Variants in ZMAT1 observed in about 807,000 individuals in gnomAD.
ZMAT1 encodes zinc finger matrin-type 1.
ZMAT1 carries 11 observed loss-of-function variants against 18.5 expected under a neutral mutation model. The ratio of observed to expected loss-of-function variants is 0.59; its 90% CI spans 0.37 to 0.98. The LOEUF (loss-of-function observed/expected upper bound fraction) is 0.98, where lower values mean the gene tolerates loss of function less well. ZMAT1 is among the 50% of genes least tolerant of loss of function. The probability of loss-of-function intolerance (pLI) is 0.01; values close to 1 mark genes in which losing one functional copy is unlikely to be tolerated. For synonymous variants in ZMAT1, 211 were observed against 176.4 expected, an observed-to-expected ratio of 1.20 and a Z score of -1.55; for missense variants, 525 against 496.2, an observed-to-expected ratio of 1.06 and a Z score of -0.55.
Position 101,931,706 on chromosome X carries a change from C to T in ZMAT1, c.292+11G>A. ...ATGGGGCCGCCCCCGCACCCCGGGA[C>T]GGGAACTCACCTTCTCTGAGGCAAG... On this transcript the variant is annotated intron_variant, in intron 1 of 5. Coordinates refer to ENST00000651725, the MANE Select transcript of ZMAT1 (RefSeq NM_001394560.1). 3 of 758,859 alleles carry T rather than the reference C, an allele frequency of 4.0e-6. No homozygotes were observed. The highest frequency in any genetic ancestry group is 4.7e-6 in the Non-Finnish European group (3 of 641,919). The allele number at this position is 758,859 out of a possible 1,213,427, so 62.5% of individuals were successfully genotyped here.
At chrX:101,929,423 TTATATA>T (rs771032732) in intron 1 of ZMAT1, among the ~76,000 whole-genome samples, 1,632 of 71,201 alleles carry the variant, frequency 0.023, 29 homozygotes, top group African/African-American at 0.047. Context: ...TAGAGAGAGA[TTATATA>T]TATATATATA....
intron 1 of ZMAT1, among the ~76,000 whole-genome samples, chrX:101,926,624 C>A (rs1384330914): frequency 8.9e-6 from 1 of 112,116 alleles, no homozygotes. Flanking sequence ...TACCATATTT[C>A]TTCAGTTCCG....
intron 1 of ZMAT1, among the ~76,000 whole-genome samples, chrX:101,912,931 G>A (rs111984124): frequency 9.0e-5 from 10 of 111,580 alleles, no homozygotes; most frequent in African/African-American, 3.3e-4. Context: ...TGCAGAACTC[G>A]CATTAGCAAC....
intron 2 of ZMAT1, among the ~76,000 whole-genome samples, chrX:101,899,444 T>A (rs773111129): frequency 9.0e-6 from 1 of 111,624 alleles, no homozygotes; most frequent in South Asian, 3.8e-4. Flanking sequence ...TGTAGTCTTT[T>A]ATTCCTCGCC....
chrX:101,906,019 C>G, intron 1 of ZMAT1, among the ~76,000 whole-genome samples: 1 of 111,142 alleles, frequency 9.0e-6, no homozygotes, highest in Middle Eastern at 4.7e-3. Flanking sequence ...CCAAGCCCAG[C>G]ATAGAGTGGA....
At chrX:101,889,802 T>C (rs1927248410) in intron 4 of ZMAT1, 1 of 111,867 alleles carries the variant, frequency 8.9e-6, no homozygotes, top group African/African-American at 3.2e-5. Flanking sequence ...GGTGATGGGA[T>C]GATCTGTGCA....
chrX:101,883,459 AT>A lies in ZMAT1; in HGVS notation c.*50del. 1 of 1,030,836 alleles carries A rather than the reference AT, an allele frequency of 9.7e-7. No homozygotes were observed. Among genetic ancestry groups the A allele is most frequent in the Non-Finnish European group, 1.3e-6 (1 of 771,988 alleles). The allele number at this position is 1,030,836 out of a possible 1,213,427, so 85.0% of individuals were successfully genotyped here. A position where few individuals can be genotyped will look rare whatever the true frequency, so the allele number is the denominator to read the frequency against. On this transcript the variant is annotated 3_prime_UTR_variant, in exon 6 of 6. Transcript: ENST00000651725. ...CAGGTGTTCCTTTTTCTAAATCCAT[AT>A]TGACTGTTTTTTTTTTTCAATTCAA...
At chrX:101,901,219 A>T (rs1212244932) in intron 2 of ZMAT1, among the ~76,000 whole-genome samples, 1 of 111,105 alleles carries the variant, frequency 9.0e-6, no homozygotes, top group Non-Finnish European at 1.9e-5. Context: ...AGGAGTCTTT[A>T]GGGTTTTCAA....
intron 1 of ZMAT1, among the ~76,000 whole-genome samples, chrX:101,930,806 A>G (rs1930429447): frequency 8.9e-6 from 1 of 112,414 alleles, no homozygotes; most frequent in Non-Finnish European, 1.9e-5. Flanking sequence ...ACACATTTCA[A>G]TGGCAAATTT....
Position 101,931,874 on chromosome X carries a change from TACTGCCGCC to T in ZMAT1, c.126_134del (p.Ala43_Val45del). On this transcript the variant is annotated inframe_deletion, in exon 1 of 6. Coordinates refer to ENST00000651725, the MANE Select transcript of ZMAT1 (RefSeq NM_001394560.1). ...AGGTGGCGGAGGAGGCAGGAACAAT[TACTGCCGCC>T]GCCGCCGCCGCCGCCGCCGCTGCCG... 2 of 795,530 alleles carry T rather than the reference TACTGCCGCC, an allele frequency of 2.5e-6. No individual in the cohort carries two copies. The highest frequency in any genetic ancestry group is 3.0e-6 in the Non-Finnish European group (2 of 669,924). 65.6% of individuals were successfully genotyped at this position (795,530 alleles called of 1,213,427 possible). A position where few individuals can be genotyped will look rare whatever the true frequency, so the allele number is the denominator to read the frequency against.
intron 1 of ZMAT1, among the ~76,000 whole-genome samples, chrX:101,907,790 T>C (rs185719656): frequency 9.0e-6 from 1 of 111,623 alleles, no homozygotes; most frequent in Non-Finnish European, 1.9e-5. Flanking sequence ...AAAAATGTAA[T>C]AGCATCAACC....
chrX:101,930,159 A>AT (rs996767758), intron 1 of ZMAT1, among the ~76,000 whole-genome samples: 13 of 111,077 alleles, frequency 1.2e-4, no homozygotes, highest in South Asian at 3.7e-4. Flanking sequence ...AAAAAGCCAT[A>AT]TTTTTTTTTC....
intron 1 of ZMAT1, among the ~76,000 whole-genome samples, chrX:101,916,200 C>T (rs1351577743): frequency 1.9e-5 from 2 of 106,361 alleles, no homozygotes; most frequent in African/African-American, 3.5e-5. Context: ...TGAGAACACA[C>T]GGACACAGTG....
chrX:101,910,538 A>T (rs1166750444), intron 1 of ZMAT1, among the ~76,000 whole-genome samples: 1 of 112,631 alleles, frequency 8.9e-6, no homozygotes, highest in Non-Finnish European at 1.9e-5. Flanking sequence ...TAACAGAGAG[A>T]AGGAATTCAG....
chrX:101,924,366 C>A (rs998684341), intron 1 of ZMAT1, among the ~76,000 whole-genome samples: 2 of 112,086 alleles, frequency 1.8e-5, no homozygotes, highest in African/African-American at 6.5e-5. Flanking sequence ...CTCATCTCGG[C>A]CTCCCAAAGT....
intron 1 of ZMAT1, chrX:101,918,481 C>A (rs867409757): frequency 1.0e-5 from 1 of 97,593 alleles, no homozygotes; most frequent in African/African-American, 3.8e-5. Context: ...CACACACACA[C>A]ACAAAAATTA....
chrX:101,903,277 G>A (rs186262579), intron 2 of ZMAT1, among the ~76,000 whole-genome samples: 2 of 111,327 alleles, frequency 1.8e-5, no homozygotes, highest in Non-Finnish European at 3.8e-5. Context: ...CACTTTACAG[G>A]TCCAAGAAAC....
intron 4 of ZMAT1, chrX:101,889,102 C>T (rs1172935958): frequency 9.0e-6 from 1 of 111,472 alleles, no homozygotes; most frequent in Non-Finnish European, 1.9e-5. Flanking sequence ...TAGCCCTTGG[C>T]TTTTTCACAT....
intron 1 of ZMAT1, among the ~76,000 whole-genome samples, chrX:101,925,142 G>A (rs1472786244): frequency 8.9e-6 from 1 of 112,287 alleles, no homozygotes; most frequent in Non-Finnish European, 1.9e-5. Context: ...GCAAGTGATG[G>A]TTGTTTTGCT....
Sources: gnomAD v4.1 joint callset for allele counts (sites outside exome capture counted in the v4.1 genomes callset) on GRCh38, gnomAD v4.1.1 for gene constraint, MANE v1.5 for transcripts, NCBI Gene and HGNC (gene_info 2026-07-23, HGNC 2026-07-21) for gene names.